The following GNB4 variants were observed in gnomAD, a reference collection of about 807,000 sequenced individuals.
The protein encoded by GNB4 is guanine nucleotide-binding protein subunit beta-4.
GNB4 carries 28 observed loss-of-function variants against 45.2 expected under a neutral mutation model. The observed-to-expected ratio is 0.62, with a 90% CI of 0.46 to 0.85. GNB4 has a LOEUF of 0.85. GNB4 is among the 40% of genes least tolerant of loss of function. The pLI, the probability that GNB4 is intolerant of heterozygous loss-of-function variation, is 0.00. For synonymous variants in GNB4, 132 were observed against 143.7 expected, an observed-to-expected ratio of 0.92 and a Z score of 0.58; for missense variants, 321 against 425.4, an observed-to-expected ratio of 0.75 and a Z score of 2.16.
In GNB4 at chr3:179,419,406, C is replaced by T. The variant is rs864622729; in HGVS notation, c.196G>A (p.Asp66Asn). The change falls in exon 4 of 10, where the codon GAT becomes AAT. Residue 66 changes from aspartate to asparagine, a missense_variant. By Grantham distance (23) the Asp-to-Asn change is conservative (BLOSUM62 1). Transcript: ENST00000232564. The stretch of plus-strand genomic sequence containing the variant: ...GTAATGACAGGTACAAACCTGGAAT[C>T]GTATCCCCAATGCATAGCATAGATT... ...AKIYAMHWGY[D>N]SRLLVSASQD... is the part of the protein sequence containing the mutation. The T allele has an allele frequency of 1.1e-5, 17 of 1,589,284 alleles. No individual in the cohort carries two copies. The highest frequency in any genetic ancestry group is 1.7e-5 in the Admixed American group (1 of 59,918).
the GNB4 span, among the ~76,000 whole-genome samples, chr3:179,508,224 C>G: frequency 6.6e-6 from 1 of 152,166 alleles, no homozygotes; most frequent in Non-Finnish European, 1.5e-5. Flanking sequence ...TGGCCTCAAG[C>G]AATTTGCCTG....
intron 3 of GNB4, among the ~76,000 whole-genome samples, chr3:179,420,657 T>C (rs1052488318): frequency 3.9e-5 from 6 of 151,948 alleles, no homozygotes; most frequent in African/African-American, 1.5e-4. Context: ...CATGTTGGTA[T>C]AGCTGGTATA....
intron 2 of GNB4, among the ~76,000 whole-genome samples, chr3:179,421,408 T>TA (rs568369773): frequency 1.3e-5 from 2 of 152,120 alleles, no homozygotes; most frequent in African/African-American, 2.4e-5. Flanking sequence ...ACATATTTAA[T>TA]AAAAAAAGTT....
rs760787926 is a variant in GNB4, at chr3:179,405,387, G to T, written c.719C>A (p.Ala240Asp). Residue 240 changes from alanine (A) to aspartate (D), a missense_variant, in exon 9 of 10, where the codon GCC becomes GAC. Transcript: ENST00000232564. ...GGCATCATCAGAGCCAGTGGCGAAG[G>T]CATATCCATTTGGGAAAAACTAGAC... Reference protein sequence around the residue: ...NAVSFFPNGYAFATGSDDATC... With the variant: ...NAVSFFPNGYDFATGSDDATC... 6.2e-7 allele frequency: 1 copy of T among 1,611,160 alleles called. No individual in the cohort carries two copies. Among genetic ancestry groups the T allele is most frequent in the South Asian group, 1.1e-5 (1 of 90,802 alleles).
chr3:179,511,351 G>C, the GNB4 span, among the ~76,000 whole-genome samples: 1 of 152,326 alleles, frequency 6.6e-6, no homozygotes, highest in East Asian at 1.9e-4. Context: ...CCTACCCAGA[G>C]CAGGCACTCA....
intron 8 of GNB4, among the ~76,000 whole-genome samples, chr3:179,406,532 T>C (rs1714474318): frequency 6.6e-6 from 1 of 152,216 alleles, no homozygotes; most frequent in African/African-American, 2.4e-5. Context: ...TATATCTAGG[T>C]AATCTGCGTT....
the GNB4 span, among the ~76,000 whole-genome samples, chr3:179,526,086 G>A: frequency 2.0e-5 from 3 of 152,212 alleles, no homozygotes; most frequent in Admixed American, 2.0e-4. Flanking sequence ...GGGTGGGGCC[G>A]TTTTATAAGA....
At chr3:179,460,365 T>G in the GNB4 span, among the ~76,000 whole-genome samples, 1 of 152,246 alleles carries the variant, frequency 6.6e-6, no homozygotes, top group South Asian at 2.1e-4. Flanking sequence ...AACTAACATT[T>G]ACATTATTAG....
upstream of GNB4, among the ~76,000 whole-genome samples, chr3:179,451,769 G>T (rs1210669567): frequency 6.6e-6 from 1 of 152,192 alleles, no homozygotes; most frequent in Non-Finnish European, 1.5e-5. Flanking sequence ...GCTAAGTAGC[G>T]CCCGTCTAAG....
the GNB4 span, among the ~76,000 whole-genome samples, chr3:179,478,745 T>A: frequency 2.0e-5 from 3 of 152,138 alleles, no homozygotes; most frequent in African/African-American, 7.2e-5. Flanking sequence ...CCAAATCTCA[T>A]GTCAAATTGT....
chr3:179,450,310 A>C (rs1408588612), intron 1 of GNB4, among the ~76,000 whole-genome samples: 1 of 152,202 alleles, frequency 6.6e-6, no homozygotes, highest in Non-Finnish European at 1.5e-5. Context: ...GAATGCACCT[A>C]ATCAGCCGTC....
chr3:179,440,900 G>GAGAT (rs72064223), intron 1 of GNB4, among the ~76,000 whole-genome samples: 1 of 151,658 alleles, frequency 6.6e-6, no homozygotes, highest in African/African-American at 2.4e-5. Flanking sequence ...GAGAGAGAGA[G>GAGAT]AGATACAATA....
the GNB4 span, among the ~76,000 whole-genome samples, chr3:179,461,165 C>A: frequency 6.6e-6 from 1 of 152,132 alleles, no homozygotes; most frequent in Admixed American, 6.5e-5. Context: ...CTTCTTGCCA[C>A]CTTAGCGACT....
intron 1 of GNB4, among the ~76,000 whole-genome samples, chr3:179,445,683 TATG>T (rs1340298256): frequency 1.3e-5 from 2 of 152,256 alleles, no homozygotes; most frequent in Non-Finnish European, 2.9e-5. Flanking sequence ...GGAGAGTAGT[TATG>T]ATGCATTCAT....
chr3:179,464,131 G>A, the GNB4 span, among the ~76,000 whole-genome samples: 1 of 151,990 alleles, frequency 6.6e-6, no homozygotes, highest in African/African-American at 2.4e-5. Context: ...CCAACCAATG[G>A]AATGGACCCC....
At chr3:179,455,099 G>C (rs933418315), upstream of GNB4, among the ~76,000 whole-genome samples, 1 of 152,152 alleles carries the variant, frequency 6.6e-6, no homozygotes, top group African/African-American at 2.4e-5. Context: ...GTACAAATCA[G>C]TTATAGCTTT....
chr3:179,519,338 C>T, the GNB4 span, among the ~76,000 whole-genome samples: 4 of 152,318 alleles, frequency 2.6e-5, no homozygotes, highest in Middle Eastern at 3.4e-3. Context: ...TGAAGACTGA[C>T]ACTGCCCAAT....
At chr3:179,407,745 A>G (rs1325168602) in intron 8 of GNB4, among the ~76,000 whole-genome samples, 1 of 148,384 alleles carries the variant, frequency 6.7e-6, no homozygotes, top group Non-Finnish European at 1.5e-5. Flanking sequence ...CGATCAGCAG[A>G]GCCGTGTGAG....
At chr3:179,444,423 G>GTT (rs34220563) in intron 1 of GNB4, among the ~76,000 whole-genome samples, 111 of 135,136 alleles carry the variant, frequency 8.2e-4, no homozygotes, top group Admixed American at 1.4e-3. Flanking sequence ...TTTTCAGGGT[G>GTT]TTTTTTTTTT....
Sources: allele counts gnomAD v4.1 joint callset (sites outside exome capture counted in the v4.1 genomes callset), GRCh38; gene constraint gnomAD v4.1.1; transcripts MANE v1.5; gene names NCBI Gene and HGNC (gene_info 2026-07-23, HGNC 2026-07-21).